The following CFAP251 variants were observed in gnomAD, a reference collection of about 807,000 sequenced individuals.
The protein encoded by CFAP251 is cilia- and flagella-associated protein 251.
In CFAP251, 93 loss-of-function variants were observed where a neutral mutation model predicts 126.7. That is an observed-to-expected ratio of 0.73 (90% CI 0.62 to 0.87). The LOEUF (loss-of-function observed/expected upper bound fraction) is 0.87. Among genes scored for constraint, CFAP251 ranks in the 40% least tolerant of loss-of-function variants. The probability of loss-of-function intolerance (pLI) is 0.00; values close to 1 mark genes in which losing one functional copy is unlikely to be tolerated. For missense variants in CFAP251, 1,287 were observed against 1,389.2 expected (o/e 0.93, Z 1.17); for synonymous variants, 503 against 506.9 (o/e 0.99, Z 0.10).
chr12:122,000,498 G>T (rs1225964372), intron 20 of CFAP251, among the ~76,000 whole-genome samples: 1 of 149,096 alleles, frequency 6.7e-6, no homozygotes, highest in East Asian at 2.0e-4. Context: ...GTTGCAGTGA[G>T]CCAAGATCAC....
rs762787322 is a variant in CFAP251, at chr12:121,942,886, C to T, written c.1111-9C>T. 3 of 1,614,130 alleles carry T rather than the reference C, an allele frequency of 1.9e-6. No homozygotes were observed. Among genetic ancestry groups the T allele is most frequent in the Non-Finnish European group, 2.5e-6 (3 of 1,179,960 alleles). ...CTTCTCATGCCCCTCTCTCTACTGT[C>T]ACCTACAGAAGGTATGCATCTGGAA... On this transcript the variant is annotated splice_polypyrimidine_tract_variant and intron_variant, in intron 6 of 21. Coordinates refer to ENST00000288912, the MANE Select transcript of CFAP251 (RefSeq NM_144668.6).
chr12:121,941,194 C>A (rs1881098414), intron 5 of CFAP251, among the ~76,000 whole-genome samples: 1 of 151,908 alleles, frequency 6.6e-6, no homozygotes, highest in African/African-American at 2.4e-5. Context: ...CCACACCTGG[C>A]TAATTTTTTG....
intron 4 of CFAP251, chr12:121,933,332 G>C (rs1488409664): frequency 6.6e-6 from 1 of 152,426 alleles, no homozygotes; most frequent in African/African-American, 2.4e-5. Flanking sequence ...TCCAAACAGA[G>C]GGAGCAACAA....
chr12:121,993,775 CA>C (rs1380379368), intron 19 of CFAP251, among the ~76,000 whole-genome samples: 4 of 98,320 alleles, frequency 4.1e-5, no homozygotes, highest in East Asian at 3.8e-4. Flanking sequence ...GCCCGGCCAG[CA>C]CCCCGTCCGG....
At chr12:121,937,601 A>G (rs998601172) in intron 5 of CFAP251, among the ~76,000 whole-genome samples, 2 of 152,122 alleles carry the variant, frequency 1.3e-5, no homozygotes, top group African/African-American at 4.8e-5. Flanking sequence ...GTCAGATTTC[A>G]CTGACAAGAT....
intron 14 of CFAP251, 130 bp downstream of exon 14, chr12:121,960,888 G>T (rs1881909833): frequency 5.4e-6 from 6 of 1,120,416 alleles, no homozygotes; most frequent in Non-Finnish European, 6.3e-6. Context: ...CACAGTGAAG[G>T]ATCACAAACC....
chr12:121,992,328 G>A (rs1882895181), intron 19 of CFAP251: 4 of 985,270 alleles, frequency 4.1e-6, no homozygotes, highest in South Asian at 4.7e-5. Context: ...CAGTGATGCC[G>A]AAGCTGCCAA....
chr12:121,923,340 G>A (rs1015131822), intron 2 of CFAP251, among the ~76,000 whole-genome samples: 1 of 151,982 alleles, frequency 6.6e-6, no homozygotes, highest in Admixed American at 6.6e-5. Context: ...TTCATTTTTG[G>A]TAGACATAAG....
chr12:121,979,690 G>A (rs373212457), intron 19 of CFAP251, among the ~76,000 whole-genome samples: 8 of 147,848 alleles, frequency 5.4e-5, no homozygotes, highest in South Asian at 2.2e-4. Flanking sequence ...TCAGCCTCCC[G>A]AGTAACTGGG....
Position 121,923,791 on chromosome 12 carries a change from A to T in CFAP251, c.548A>T (p.Glu183Val). 3.1e-6 allele frequency: 5 copies of T among 1,612,792 alleles called. No homozygotes were observed. The highest frequency in any genetic ancestry group is 4.2e-6 in the Non-Finnish European group (5 of 1,179,394). The change falls in exon 3 of 22, where the codon GAG becomes GTG. Residue 183 changes from glutamate (E) to valine (V), a missense_variant. Coordinates refer to ENST00000288912, the MANE Select transcript of CFAP251 (RefSeq NM_144668.6). ...GAAAGGCAGCCCTCAGGAGAGCTTG[A>T]GGAGAAAACCGACCGGATGCCCCAA... ...SPERQPSGEL[E>V]EKTDRMPQDE...
Position 121,969,297 on chromosome 12 carries a change from G to A in CFAP251, c.2771+1128G>A, listed in dbSNP as rs78873933. 2.9e-3 allele frequency: 2,849 copies of A among 985,398 alleles called. 67 individuals carry two copies. The African/African-American group carries it at 0.045, about 16-fold the overall frequency. The allele number at this position is 985,398 out of a possible 1,614,324, so 61.0% of individuals were successfully genotyped here. On this transcript the variant is annotated intron_variant, in intron 17 of 21. Coordinates refer to ENST00000288912, the MANE Select transcript of CFAP251 (RefSeq NM_144668.6). ...GGTTTGAGATTGCACTTGCAGCTCT[G>A]ACTTCCACCCCACCTTCACCTGAGA...
chr12:121,994,400 G>A (rs1225985805), intron 19 of CFAP251, among the ~76,000 whole-genome samples: 2 of 89,384 alleles, frequency 2.2e-5, no homozygotes, highest in Non-Finnish European at 4.8e-5. Context: ...CTGCCCGGCC[G>A]CCCCTACTGG....
chr12:121,968,471 G>A (rs550073888), intron 17 of CFAP251, among the ~76,000 whole-genome samples: 21 of 152,224 alleles, frequency 1.4e-4, no homozygotes, highest in African/African-American at 5.1e-4. Context: ...GATCTAGGCC[G>A]ACCCTCCAAA....
Position 121,942,964 on chromosome 12 carries a change from T to A in CFAP251, c.1180T>A (p.Tyr394Asn). 1 of 1,613,982 alleles carries A rather than the reference T, an allele frequency of 6.2e-7. No individual in the cohort carries two copies. The highest frequency in any genetic ancestry group is 8.5e-7 in the Non-Finnish European group (1 of 1,179,990). Residue 394 changes from tyrosine (Y) to asparagine (N), a missense_variant, in exon 7 of 22, where the codon TAC (tyrosine) becomes AAC (asparagine). Coordinates refer to ENST00000288912, the MANE Select transcript of CFAP251 (RefSeq NM_144668.6). ...ATGCACTCTCGAACTCCCCACAGAG[T>A]ACGGTGTTCAGGTGAGTTCAGTTGG... ...PACTLELPTE[Y>N]GVQNYVTFNP...
chr12:121,948,587 G>A (rs1370515657), intron 7 of CFAP251: 3 of 156,824 alleles, frequency 1.9e-5, no homozygotes, highest in Non-Finnish European at 2.8e-5. Flanking sequence ...GGGTGTGGGG[G>A]CACATGCTGG....
chr12:121,973,806 C>CATTCTATCTAGGAAGTAATT (rs1882393305), intron 17 of CFAP251, among the ~76,000 whole-genome samples: 1 of 152,214 alleles, frequency 6.6e-6, no homozygotes, highest in Non-Finnish European at 1.5e-5. Flanking sequence ...TTGGTACCTC[C>CATTCTATCTAGGAAGTAATT]ATTCTATCTA....
chr12:121,925,297 G>T (rs1880366452), intron 3 of CFAP251, among the ~76,000 whole-genome samples: 1 of 152,178 alleles, frequency 6.6e-6, no homozygotes, highest in South Asian at 2.1e-4. Flanking sequence ...AGAAGGAAAA[G>T]GAGGAGTTTT....
Position 121,969,600 on chromosome 12 carries a change from C to T in CFAP251, c.2771+1431C>T, listed in dbSNP as rs1283261206. 5.0e-6 allele frequency: 4 copies of T among 795,142 alleles called. No homozygotes were observed. In the African/African-American group the frequency reaches 7.5e-5, roughly 15 times the overall value. 49.3% of individuals were successfully genotyped at this position (795,142 alleles called of 1,614,324 possible). The stretch of plus-strand genomic sequence containing the variant: ...TCCTGGGCTCAAACAATTCTCCTGC[C>T]TCAGCCTCCTGAGTAGCTGGGACCA... On this transcript the variant is annotated intron_variant, in intron 17 of 21. Coordinates refer to ENST00000288912, the MANE Select transcript of CFAP251 (RefSeq NM_144668.6).
At chr12:121,994,010 C>T (rs1430533991) in intron 19 of CFAP251, among the ~76,000 whole-genome samples, 158 of 24,228 alleles carry the variant, frequency 6.5e-3, no homozygotes, top group Non-Finnish European at 8.8e-3. Context: ...CCGCCCCGTC[C>T]GGGAGGGAGG....
Sources: gnomAD v4.1 joint callset for allele counts (sites outside exome capture counted in the v4.1 genomes callset) on GRCh38, gnomAD v4.1.1 for gene constraint, MANE v1.5 for transcripts, NCBI Gene and HGNC (gene_info 2026-07-23, HGNC 2026-07-21) for gene names.